MCU: variants seen among roughly 807,000 people sequenced by gnomAD.
MCU encodes calcium uniporter protein, mitochondrial.
Under a neutral mutation model 45.2 loss-of-function variants are expected in MCU, and 12 were observed. That is an observed-to-expected ratio of 0.27 (90% CI 0.17 to 0.43). MCU has a LOEUF of 0.43. MCU is among the 20% of genes least tolerant of loss of function. MCU has a pLI of 1.00. For synonymous variants in MCU, 160 were observed against 165.1 expected, an observed-to-expected ratio of 0.97 and a Z score of 0.24; for missense variants, 324 against 436.7, an observed-to-expected ratio of 0.74 and a Z score of 2.30.
At chr10:72,880,489 A>G (rs544946990) in intron 6 of MCU, among the ~76,000 whole-genome samples, 80 of 148,838 alleles carry the variant, frequency 5.4e-4, no homozygotes, top group East Asian at 4.8e-3. Context: ...GGGGGGGGGG[A>G]AACCCTAGAA....
chr10:72,770,539 A>T (rs968672497), intron 1 of MCU, among the ~76,000 whole-genome samples: 5 of 152,052 alleles, frequency 3.3e-5, no homozygotes, highest in African/African-American at 9.7e-5. Flanking sequence ...CAAACCTAAC[A>T]ATGTTATAAA....
chr10:72,725,684 G>A (rs567321041), intron 1 of MCU, among the ~76,000 whole-genome samples: 647 of 1,408 alleles, frequency 0.46, 3 homozygotes, highest in Middle Eastern at 0.5. Context: ...AGGTCAGTTC[G>A]AGACCAGCTG....
At chr10:72,716,041 C>A in intron 1 of MCU, 1 of 195,444 alleles carries the variant, frequency 5.1e-6, no homozygotes, top group Non-Finnish European at 9.3e-6. Context: ...CAGGCGTTGA[C>A]AAACTGTAGC....
chr10:72,781,763 T>C (rs78371855), intron 1 of MCU, among the ~76,000 whole-genome samples: 4 of 137,054 alleles, frequency 2.9e-5, no homozygotes, highest in Non-Finnish European at 5.9e-5. Flanking sequence ...ATGTTATTTC[T>C]TTTTTTTTCT....
rs1382776445 is a variant in MCU at position 72,886,182 on chromosome 10, C to T, written c.*360C>T. ...AAGAGTAACACACCAGCACCCCACT[C>T]GACTCTATTTGTTTTTAATTTAACT... On this transcript the variant is annotated 3_prime_UTR_variant, in exon 8 of 8. Coordinates refer to ENST00000373053, the MANE Select transcript of MCU (RefSeq NM_138357.3). 5.9e-6 allele frequency: 1 copy of T among 169,806 alleles called. No individual in the cohort carries two copies. The highest frequency in any genetic ancestry group is 1.3e-5 in the Non-Finnish European group (1 of 79,508). The allele number at this position is 169,806 out of a possible 1,614,324, so 10.5% of individuals were successfully genotyped here. A position where few individuals can be genotyped will look rare whatever the true frequency, so the allele number is the denominator to read the frequency against.
chr10:72,830,785 C>G (rs999392911), intron 1 of MCU, among the ~76,000 whole-genome samples: 2 of 152,132 alleles, frequency 1.3e-5, no homozygotes, highest in Non-Finnish European at 2.9e-5. Flanking sequence ...CAGTGAAGGT[C>G]AAGTAGAGGT....
rs554021639 is a variant in MCU at position 72,714,092 on chromosome 10, G to A, written c.150+21791G>A. On this transcript the variant is annotated intron_variant, in intron 1 of 7. Transcript: ENST00000373053. ...AGCAGTTCTCCTACCTCAGCCTCCC[G>A]AGTAGCTGGGATTACAGGTGTGCTC... Among the ~76,000 whole-genome samples, 19 of 151,260 alleles carry A rather than the reference G, an allele frequency of 1.3e-4. 1 individual carries two copies. Among genetic ancestry groups the A allele is most frequent in the African/African-American group, 4.6e-4 (19 of 41,200 alleles).
chr10:72,815,927 G>A (rs1025927737), intron 1 of MCU, among the ~76,000 whole-genome samples: 1 of 152,284 alleles, frequency 6.6e-6, no homozygotes, highest in African/African-American at 2.4e-5. Flanking sequence ...GAAGGGAGGT[G>A]TAAATGTTAT....
chr10:72,807,716 G>C (rs1240464320), intron 1 of MCU, among the ~76,000 whole-genome samples: 1 of 152,078 alleles, frequency 6.6e-6, no homozygotes, highest in South Asian at 2.1e-4. Flanking sequence ...TTTTACTTCA[G>C]TGTTGACTGG....
rs1343032042 is a variant in MCU at position 72,860,621 on chromosome 10, CA to C, written c.496+95del. The C allele has an allele frequency of 4.2e-6, 4 of 951,972 alleles. No individual in the cohort carries two copies. The East Asian group carries it at 7.3e-5, about 17-fold the overall frequency. The allele number at this position is 951,972 out of a possible 1,614,324, so 59.0% of individuals were successfully genotyped here. A position where few individuals can be genotyped will look rare whatever the true frequency, so the allele number is the denominator to read the frequency against. On this transcript the variant is annotated intron_variant, in intron 4 of 7. Coordinates refer to ENST00000373053, the MANE Select transcript of MCU (RefSeq NM_138357.3). ...TCCTTGGGTAACCTTGAGAAACAGACAGTATTCAAAGAACACTGAAAGTTTT... is the reference window on the plus strand; with the variant it reads ...TCCTTGGGTAACCTTGAGAAACAGACGTATTCAAAGAACACTGAAAGTTTT...
intron 1 of MCU, among the ~76,000 whole-genome samples, chr10:72,791,775 A>G (rs1844164144): frequency 6.6e-6 from 1 of 152,000 alleles, no homozygotes; most frequent in African/African-American, 2.4e-5. Flanking sequence ...AATTACATGA[A>G]CTTATTTTTA....
At chr10:72,876,024 G>A (rs74145980) in intron 6 of MCU, among the ~76,000 whole-genome samples, 6,064 of 152,150 alleles carry the variant, frequency 0.04, 393 homozygotes, top group African/African-American at 0.14. Flanking sequence ...GGAGTAATCA[G>A]GAAAAAAATG....
chr10:72,790,172 A>G (rs542977322), intron 1 of MCU, among the ~76,000 whole-genome samples: 6 of 152,168 alleles, frequency 3.9e-5, no homozygotes, highest in Non-Finnish European at 8.8e-5. Flanking sequence ...TCTTAACCCT[A>G]CAGCATTGAA....
chr10:72,749,041 T>A (rs1014842364), intron 1 of MCU, among the ~76,000 whole-genome samples: 11 of 152,120 alleles, frequency 7.2e-5, no homozygotes, highest in African/African-American at 2.4e-4. Context: ...GTGGGAGGAT[T>A]GTTTGAGCCC....
chr10:72,867,964 A>C (rs1030361073), intron 4 of MCU, among the ~76,000 whole-genome samples: 1 of 151,576 alleles, frequency 6.6e-6, no homozygotes, highest in Non-Finnish European at 1.5e-5. Flanking sequence ...ACTAAGGGGG[A>C]AAAAAATGAA....
chr10:72,868,578 A>G, intron 4 of MCU, 125 bp from the exon 5 acceptor site: 1 of 760,158 alleles, frequency 1.3e-6, no homozygotes, highest in Non-Finnish European at 2.1e-6. Context: ...GAGAGCTATT[A>G]CTTTCCTTCA....
intron 2 of MCU, among the ~76,000 whole-genome samples, chr10:72,854,739 A>G (rs998026186): frequency 1.3e-5 from 2 of 152,204 alleles, no homozygotes; most frequent in Non-Finnish European, 2.9e-5. Flanking sequence ...CTACAGGCCA[A>G]AGCCAGCCTA....
chr10:72,747,474 C>T (rs1843430738), intron 1 of MCU, among the ~76,000 whole-genome samples: 1 of 152,172 alleles, frequency 6.6e-6, no homozygotes, highest in Non-Finnish European at 1.5e-5. Flanking sequence ...TGCTTTTGCA[C>T]TTCGCTGCAG....
At chr10:72,814,905 A>C (rs1399745918) in intron 1 of MCU, among the ~76,000 whole-genome samples, 1 of 152,252 alleles carries the variant, frequency 6.6e-6, no homozygotes, top group African/African-American at 2.4e-5. Context: ...ATGAAAAACC[A>C]GTGGGAAAAT....
Sources: gnomAD v4.1 joint callset for allele counts (sites outside exome capture counted in the v4.1 genomes callset) on GRCh38, gnomAD v4.1.1 for gene constraint, MANE v1.5 for transcripts, NCBI Gene and HGNC (gene_info 2026-07-23, HGNC 2026-07-21) for gene names.